The following DNAH14 variants were observed in gnomAD, a reference collection of about 807,000 sequenced individuals.
DNAH14 encodes the protein axonemal beta dynein heavy chain 14.
DNAH14 carries 478 observed loss-of-function variants against 520.9 expected under a neutral mutation model. The ratio of observed to expected loss-of-function variants is 0.92; its 90% CI spans 0.85 to 0.99. DNAH14 has a LOEUF of 0.99. DNAH14 is among the 50% of genes least tolerant of loss of function. DNAH14 has a pLI of 0.00. For missense variants in DNAH14, 4,831 were observed against 5,234.5 expected (o/e 0.92, Z 2.38); for synonymous variants, 1,581 against 1,757.2 (o/e 0.90, Z 2.51).
chr1:225,290,245 C>A (rs2093836940), intron 55 of DNAH14, among the ~76,000 whole-genome samples, 163 bp downstream of exon 55: 1 of 151,978 alleles, frequency 6.6e-6, no homozygotes, highest in South Asian at 2.1e-4. Context: ...CTTATCTAGT[C>A]ATAGCCCACA....
Position 225,152,075 on chromosome 1 carries a change from T to C in DNAH14, c.5009+2T>C, listed in dbSNP as rs762245908. The C allele has an allele frequency of 1.8e-5, 28 of 1,547,998 alleles. No individual in the cohort carries two copies. The South Asian group carries it at 3.4e-4, about 19-fold the overall frequency. On this transcript the variant is annotated splice_donor_variant, in intron 32 of 85. Coordinates refer to ENST00000682510, the MANE Select transcript of DNAH14 (RefSeq NM_001367479.1). LOFTEE classifies it high-confidence loss of function. ...GGTATTTATCACCATGAATCCCAGG[T>C]AAGTATCAGTAAATCTAGTGGGAAT...
At position 225,273,128 on chromosome 1, in the gene DNAH14, AAATTT is replaced by A; in HGVS notation, c.8010+5_8010+9del. The stretch of plus-strand genomic sequence containing the variant: ...GGGAACTTGAGAACTGTTTTCAGGT[AAATTT>A]ATATTTTAAAAATTATTGGCCGGGT... On this transcript the variant is annotated splice_donor_5th_base_variant and intron_variant, in intron 52 of 85. Coordinates refer to ENST00000682510, the MANE Select transcript of DNAH14 (RefSeq NM_001367479.1). The A allele has an allele frequency of 6.5e-7, 1 of 1,546,052 alleles. No homozygotes were observed.
At position 225,206,108 on chromosome 1, in the gene DNAH14, G is replaced by C; in HGVS notation, c.6115G>C (p.Val2039Leu). 6.4e-7 allele frequency: 1 copy of C among 1,551,474 alleles called. No individual in the cohort carries two copies. Among genetic ancestry groups the C allele is most frequent in the Non-Finnish European group, 8.7e-7 (1 of 1,146,834 alleles). Residue 2039 changes from valine (V) to leucine (L), a missense_variant, in exon 40 of 86, where the codon GTG (valine) becomes CTG (leucine). Physicochemically the swap from Val to Leu is conservative, Grantham distance 32. Transcript: ENST00000682510. ...ERIALTNKIR[V>L]IFEVDNLSQA... ...AATAGCTTTAACTAATAAAATAAGA[G>C]TGATTTTTGAAGTGGACAATCTCTC... is the stretch of plus-strand genomic sequence containing the variant.
intron 19 of DNAH14, among the ~76,000 whole-genome samples, 163 bp from the exon 20 acceptor site, chr1:225,082,386 A>G (rs369489089): frequency 3.3e-5 from 5 of 152,168 alleles, no homozygotes; most frequent in African/African-American, 7.2e-5. Flanking sequence ...ATGGAAGGGT[A>G]ATGTTAATAA....
At chr1:225,386,018 G>A (rs1230198521) in intron 81 of DNAH14, among the ~76,000 whole-genome samples, 1 of 152,154 alleles carries the variant, frequency 6.6e-6, no homozygotes, top group Non-Finnish European at 1.5e-5. Flanking sequence ...CGTGGTACTG[G>A]TACCAAAACA....
chr1:225,076,197 G>A (rs1338339508), intron 17 of DNAH14, among the ~76,000 whole-genome samples: 1 of 152,198 alleles, frequency 6.6e-6, no homozygotes, highest in African/African-American at 2.4e-5. Context: ...GCATGGTAGT[G>A]GGGAGAACCA....
chr1:225,140,724 T>TAG (rs1195374857), intron 27 of DNAH14, 44 bp from the exon 28 acceptor site: 1 of 1,302,850 alleles, frequency 7.7e-7, no homozygotes, highest in East Asian at 2.6e-5. Flanking sequence ...CAATTATATA[T>TAG]ATATAGAGAG....
At chr1:225,100,675 T>TA (rs1362328206) in intron 22 of DNAH14, 38 bp from the exon 23 acceptor site, 68 of 1,435,842 alleles carry the variant, frequency 4.7e-5, no homozygotes, top group South Asian at 6.1e-5. Flanking sequence ...CATAGTGCCT[T>TA]AAAAAAAATA....
intron 27 of DNAH14, among the ~76,000 whole-genome samples, chr1:225,125,975 C>T (rs986445473): frequency 2.0e-5 from 3 of 151,762 alleles, no homozygotes; most frequent in Admixed American, 6.6e-5. Context: ...TTAGGGAGAC[C>T]GAAGAAGAAG....
chr1:225,167,917 TTATG>T lies in DNAH14; in HGVS notation c.5446-18_5446-15del. On this transcript the variant is annotated intron_variant, in intron 35 of 85. Coordinates refer to ENST00000682510, the MANE Select transcript of DNAH14 (RefSeq NM_001367479.1). ...GTTTCATTTGCAATGCATTTTAAAT[TTATG>T]TATTTATTTCCTTTTAGAAAGTAAT... 1 of 1,347,138 alleles carries T rather than the reference TTATG, an allele frequency of 7.4e-7. No homozygotes were observed. The highest frequency in any genetic ancestry group is 1.0e-6 in the Non-Finnish European group (1 of 997,024). 83.4% of individuals were successfully genotyped at this position (1,347,138 alleles called of 1,614,324 possible).
chr1:225,133,637 T>C (rs111912119), intron 27 of DNAH14, among the ~76,000 whole-genome samples: 5,014 of 152,290 alleles, frequency 0.033, 304 homozygotes, highest in African/African-American at 0.11. Flanking sequence ...AGCCTTGTAG[T>C]ATAGTTTGAA....
At chr1:224,957,968 T>C (rs1262180511) in intron 3 of DNAH14, among the ~76,000 whole-genome samples, 1 of 151,970 alleles carries the variant, frequency 6.6e-6, no homozygotes, top group East Asian at 1.9e-4. Flanking sequence ...TAGTTAATAG[T>C]GTAGGCATGA....
chr1:225,013,627 T>A (rs2064982500), intron 10 of DNAH14, among the ~76,000 whole-genome samples: 1 of 152,190 alleles, frequency 6.6e-6, no homozygotes, highest in Non-Finnish European at 1.5e-5. Context: ...CTGGGGCTGC[T>A]GCCTTTCTTT....
chr1:225,334,110 A>G (rs537507332), intron 66 of DNAH14, among the ~76,000 whole-genome samples: 1 of 152,300 alleles, frequency 6.6e-6, no homozygotes, highest in South Asian at 2.1e-4. Flanking sequence ...CAGTTATTAC[A>G]TTAGGTGTAA....
At chr1:225,201,259 C>A (rs750796644) in intron 38 of DNAH14, among the ~76,000 whole-genome samples, 1 of 151,498 alleles carries the variant, frequency 6.6e-6, no homozygotes, top group Non-Finnish European at 1.5e-5. Context: ...AAAATGTATC[C>A]CCTCATTTCT....
intron 10 of DNAH14, among the ~76,000 whole-genome samples, chr1:225,013,192 G>T (rs1428443230): frequency 6.6e-6 from 1 of 151,948 alleles, no homozygotes; most frequent in Non-Finnish European, 1.5e-5. Context: ...ATTGCTTTCT[G>T]TTTGTTAGTT....
At chr1:225,297,821 T>C (rs1051698072) in intron 55 of DNAH14, among the ~76,000 whole-genome samples, 5 of 152,180 alleles carry the variant, frequency 3.3e-5, no homozygotes, top group African/African-American at 1.2e-4. Flanking sequence ...TTGCTCTAGC[T>C]GGGGGCATGG....
chr1:225,018,131 A>G (rs1038472800), intron 10 of DNAH14, among the ~76,000 whole-genome samples: 2 of 152,226 alleles, frequency 1.3e-5, no homozygotes, highest in Non-Finnish European at 2.9e-5. Context: ...ATCGAGGTAC[A>G]AGAGAAGGTC....
intron 64 of DNAH14, among the ~76,000 whole-genome samples, chr1:225,330,666 G>A (rs1322351242): frequency 6.6e-6 from 1 of 152,196 alleles, no homozygotes; most frequent in African/African-American, 2.4e-5. Context: ...GGGAAGGGTA[G>A]TGGGAAGGTA....
Sources: allele counts gnomAD v4.1 joint callset (sites outside exome capture counted in the v4.1 genomes callset), GRCh38; gene constraint gnomAD v4.1.1; transcripts MANE v1.5; gene names NCBI Gene and HGNC (gene_info 2026-07-23, HGNC 2026-07-21).